LRMDA: variants seen among roughly 807,000 people sequenced by gnomAD.
LRMDA encodes the protein leucine rich melanocyte differentiation associated.
A neutral mutation model predicts 29.8 loss-of-function variants in LRMDA; 18 were observed. That is an observed-to-expected ratio of 0.60 (90% CI 0.42 to 0.90). LRMDA has a LOEUF of 0.90. Ranked by LOEUF, LRMDA falls within the 40% of genes least tolerant of loss-of-function variation. The pLI is 0.00. For missense variants in LRMDA, 273 were observed against 273.9 expected (o/e 1.00, Z 0.02); for synonymous variants, 125 against 109.4 (o/e 1.14, Z -0.89).
At chr10:76,506,691 T>G (rs1464337313) in intron 6 of LRMDA, among the ~76,000 whole-genome samples, 1 of 152,034 alleles carries the variant, frequency 6.6e-6, no homozygotes, top group Non-Finnish European at 1.5e-5. Context: ...CATAAGTATT[T>G]TTTAGTTCCC....
At chr10:76,235,600 G>A (rs1229499259) in intron 5 of LRMDA, among the ~76,000 whole-genome samples, 1 of 152,116 alleles carries the variant, frequency 6.6e-6, no homozygotes, top group African/African-American at 2.4e-5. Flanking sequence ...TCTGGGTGTG[G>A]TGTCACCTCT....
intron 2 of LRMDA, among the ~76,000 whole-genome samples, chr10:75,998,381 C>A (rs1847508155): frequency 6.6e-6 from 1 of 152,184 alleles, no homozygotes; most frequent in African/African-American, 2.4e-5. Flanking sequence ...GGCCTCATCA[C>A]CTGGCCTCTG....
chr10:76,278,974 T>C (rs1035277390), intron 5 of LRMDA, among the ~76,000 whole-genome samples: 8 of 152,230 alleles, frequency 5.3e-5, no homozygotes, highest in African/African-American at 1.7e-4. Context: ...GTTTTTCTTA[T>C]GTGGATATGC....
chr10:76,549,207 C>T (rs1293844487), intron 6 of LRMDA, among the ~76,000 whole-genome samples: 1 of 152,048 alleles, frequency 6.6e-6, no homozygotes, highest in East Asian at 1.9e-4. Context: ...ATGAGCCTGC[C>T]CACTCTGTGA....
chr10:76,457,932 A>G (rs1193655523), intron 6 of LRMDA, among the ~76,000 whole-genome samples: 4 of 152,138 alleles, frequency 2.6e-5, no homozygotes, highest in Non-Finnish European at 5.9e-5. Flanking sequence ...AATGGTGAAG[A>G]TAAATATTCT....
intron 5 of LRMDA, among the ~76,000 whole-genome samples, chr10:76,061,902 T>C (rs962514860): frequency 1.3e-5 from 2 of 152,202 alleles, no homozygotes; most frequent in South Asian, 2.1e-4. Flanking sequence ...ACTTTTCTTG[T>C]AGAAAGAAAG....
intron 2 of LRMDA, among the ~76,000 whole-genome samples, chr10:75,473,489 A>G (rs1844751425): frequency 6.6e-6 from 1 of 152,244 alleles, no homozygotes; most frequent in African/African-American, 2.4e-5. Context: ...CTTGCATGCC[A>G]GTCTTGCGGT....
chr10:76,507,443 T>C (rs1302834359), intron 6 of LRMDA, among the ~76,000 whole-genome samples: 1 of 152,046 alleles, frequency 6.6e-6, no homozygotes, highest in Non-Finnish European at 1.5e-5. Flanking sequence ...ATGCAAAACT[T>C]TTTAGTGTGA....
chr10:76,455,102 A>G (rs531297106), intron 6 of LRMDA, among the ~76,000 whole-genome samples: 2 of 152,276 alleles, frequency 1.3e-5, no homozygotes, highest in East Asian at 3.9e-4. Context: ...AGGAGAGAGT[A>G]AGAGAGCCTC....
chr10:75,719,991 A>G (rs1564548977), intron 2 of LRMDA, among the ~76,000 whole-genome samples: 1 of 152,208 alleles, frequency 6.6e-6, no homozygotes, highest in Non-Finnish European at 1.5e-5. Context: ...TAAAGTACAC[A>G]TTTACAATAT....
At chr10:76,148,175 A>G (rs1716950147) in intron 5 of LRMDA, among the ~76,000 whole-genome samples, 1 of 152,178 alleles carries the variant, frequency 6.6e-6, no homozygotes, top group South Asian at 2.1e-4. Flanking sequence ...TCAGATCTCA[A>G]GCTGCGTGCT....
chr10:76,515,228 G>A (rs1253219749), intron 6 of LRMDA, among the ~76,000 whole-genome samples: 1 of 152,142 alleles, frequency 6.6e-6, no homozygotes, highest in African/African-American at 2.4e-5. Flanking sequence ...ATGTGGAAAT[G>A]TTTGTTCTTG....
intron 2 of LRMDA, among the ~76,000 whole-genome samples, chr10:75,713,848 CCTCT>C (rs1039534134): frequency 6.6e-6 from 1 of 151,700 alleles, no homozygotes; most frequent in Non-Finnish European, 1.5e-5. Flanking sequence ...TCTCTCCCAC[CCTCT>C]CTCTCTCTCC....
At chr10:75,986,467 G>A (rs890536879) in intron 2 of LRMDA, among the ~76,000 whole-genome samples, 5 of 152,216 alleles carry the variant, frequency 3.3e-5, no homozygotes, top group Admixed American at 1.3e-4. Flanking sequence ...TGCAATGCTC[G>A]TTGTCATATG....
At chr10:76,544,522 G>C (rs1843395866) in intron 6 of LRMDA, among the ~76,000 whole-genome samples, 1 of 151,996 alleles carries the variant, frequency 6.6e-6, no homozygotes. Flanking sequence ...AAGTTTTAAT[G>C]AGCCTGACCC....
chr10:75,888,985 T>C (rs1387982504), intron 2 of LRMDA, among the ~76,000 whole-genome samples: 1 of 152,208 alleles, frequency 6.6e-6, no homozygotes, highest in Non-Finnish European at 1.5e-5. Context: ...TGTGTAAGAA[T>C]TTCTTTCTTC....
rs1589229572 is a variant in LRMDA, at chr10:75,854,529, A to G, written c.132-181479A>G. On this transcript the variant is annotated intron_variant, in intron 2 of 6. Transcript: ENST00000611255. Reference sequence around the variant, plus strand: ...AAACAGTGGCATATTGAAATAATCAAGGCTTTGGAAAAATGACCAATTTAT... The same window carrying G: ...AAACAGTGGCATATTGAAATAATCAGGGCTTTGGAAAAATGACCAATTTAT... Among the ~76,000 whole-genome samples the G allele has an allele frequency of 2.0e-5, 3 of 152,290 alleles. No individual in the cohort carries two copies. The East Asian group carries it at 5.8e-4, about 29-fold the overall frequency.
intron 2 of LRMDA, among the ~76,000 whole-genome samples, chr10:75,816,298 T>C (rs1844058625): frequency 6.6e-6 from 1 of 152,158 alleles, no homozygotes; most frequent in East Asian, 1.9e-4. Flanking sequence ...GGTCTAGAAC[T>C]CTGGGAGAGC....
At chr10:75,757,280 A>G (rs1214678095) in intron 2 of LRMDA, among the ~76,000 whole-genome samples, 1 of 152,136 alleles carries the variant, frequency 6.6e-6, no homozygotes, top group Non-Finnish European at 1.5e-5. Flanking sequence ...CTTTTCTCTC[A>G]GTCAGCACTC....
Sources: allele counts gnomAD v4.1 joint callset (sites outside exome capture counted in the v4.1 genomes callset), GRCh38; gene constraint gnomAD v4.1.1; transcripts MANE v1.5; gene names NCBI Gene and HGNC (gene_info 2026-07-23, HGNC 2026-07-21).